Variants in LUZP2 observed in about 807,000 individuals in gnomAD.
The protein encoded by LUZP2 is leucine zipper protein 2.
In LUZP2, 52 loss-of-function variants were observed where a neutral mutation model predicts 51.6. The ratio of observed to expected loss-of-function variants is 1.01; its 90% CI spans 0.81 to 1.27. The LOEUF is 1.27. Among genes scored for constraint, LUZP2 ranks in the 50% most tolerant of loss-of-function variants. The pLI is 0.00. For missense variants in LUZP2, 436 were observed against 395.4 expected (o/e 1.10, Z -0.87); for synonymous variants, 154 against 137.3 (o/e 1.12, Z -0.85).
At chr11:24,617,811 G>A (rs1344071171) in intron 1 of LUZP2, among the ~76,000 whole-genome samples, 1 of 151,926 alleles carries the variant, frequency 6.6e-6, no homozygotes, top group East Asian at 1.9e-4. Context: ...AGGTGACAGA[G>A]TAAGACTCTG....
chr11:25,011,763 T>C (rs953309608), intron 9 of LUZP2, among the ~76,000 whole-genome samples: 3 of 152,110 alleles, frequency 2.0e-5, no homozygotes, highest in African/African-American at 7.2e-5. Context: ...GTTGCAAACA[T>C]AGATTGTGTA....
chr11:24,990,839 C>T (rs1856312745), intron 9 of LUZP2, among the ~76,000 whole-genome samples: 1 of 152,016 alleles, frequency 6.6e-6, no homozygotes, highest in Non-Finnish European at 1.5e-5. Flanking sequence ...CCCCACCCAA[C>T]AACCATCACT....
At chr11:24,926,380 TATATATATAC>T (rs1854254891) in intron 7 of LUZP2, among the ~76,000 whole-genome samples, 1 of 5,272 alleles carries the variant, frequency 1.9e-4, no homozygotes, top group Admixed American at 1.9e-3. Flanking sequence ...TATACGTGTG[TATATATATAC>T]GTGTGTATAT....
intron 1 of LUZP2, among the ~76,000 whole-genome samples, chr11:24,622,138 T>G (rs895453418): frequency 6.6e-6 from 1 of 151,664 alleles, no homozygotes; most frequent in Non-Finnish European, 1.5e-5. Flanking sequence ...TTAATGTTAT[T>G]ATTATTATAC....
chr11:24,826,187 A>AT (rs1289295668), intron 5 of LUZP2, among the ~76,000 whole-genome samples: 1,766 of 72,830 alleles, frequency 0.024, 10 homozygotes, highest in Middle Eastern at 0.035. Context: ...AAAAAAAAAA[A>AT]AAAATATATA....
At position 24,623,249 on chromosome 11, in the gene LUZP2, G is replaced by GAA. The variant is rs60679149; in HGVS notation, c.63-105912_63-105911dup. 5.4e-4 allele frequency among the ~76,000 whole-genome samples: 81 copies of GAA among 151,086 alleles called. No individual in the cohort carries two copies. The East Asian group carries it at 0.011, about 20-fold the overall frequency. On this transcript the variant is annotated intron_variant, in intron 1 of 11. Coordinates refer to ENST00000336930, the MANE Select transcript of LUZP2 (RefSeq NM_001009909.4). ...TACTCATAAAAACTCATGGGAAAAG[G>GAA]AAAAAAAAATTTACGGGACTTAAAG...
chr11:24,741,920 ATTTATATATTATATATAAATATATAC>A (rs1859167943), intron 4 of LUZP2, among the ~76,000 whole-genome samples: 1 of 19,894 alleles, frequency 5.0e-5, no homozygotes, highest in South Asian at 2.6e-3. Context: ...TAATATATAC[ATTTATATATTATATATAAATATATAC>A]ATTTATATAT....
intron 9 of LUZP2, among the ~76,000 whole-genome samples, chr11:25,032,400 A>T (rs990642844): frequency 1.1e-4 from 17 of 151,852 alleles, no homozygotes; most frequent in Non-Finnish European, 2.4e-4. Flanking sequence ...ATGAGTTTCA[A>T]TTTTTTTTCC....
chr11:24,595,841 T>A (rs895475337), intron 1 of LUZP2, among the ~76,000 whole-genome samples: 1 of 152,188 alleles, frequency 6.6e-6, no homozygotes, highest in African/African-American at 2.4e-5. Flanking sequence ...GAAGCTTACA[T>A]TCAACATAGG....
chr11:24,733,795 ATTACT>A (rs368251786), intron 3 of LUZP2, among the ~76,000 whole-genome samples: 173 of 151,932 alleles, frequency 1.1e-3, no homozygotes, highest in African/African-American at 3.6e-3. Context: ...GCTGAAAATG[ATTACT>A]TTATTTTTAT....
At chr11:24,555,513 A>G (rs1489006232) in intron 1 of LUZP2, among the ~76,000 whole-genome samples, 2 of 152,166 alleles carry the variant, frequency 1.3e-5, no homozygotes, top group African/African-American at 2.4e-5. Flanking sequence ...GTTTTACAGA[A>G]CTGGACTCAA....
At chr11:24,913,650 A>G (rs1042046993) in intron 6 of LUZP2, among the ~76,000 whole-genome samples, 9 of 146,298 alleles carry the variant, frequency 6.2e-5, no homozygotes, top group Non-Finnish European at 1.3e-4. Context: ...CCTTCATGTG[A>G]TCATGCTAAT....
At chr11:25,020,599 A>G (rs1193610425) in intron 9 of LUZP2, among the ~76,000 whole-genome samples, 1 of 152,102 alleles carries the variant, frequency 6.6e-6, no homozygotes, top group African/African-American at 2.4e-5. Context: ...TGTTGTATAT[A>G]GCAATAAATT....
intron 8 of LUZP2, 40 bp downstream of exon 8, chr11:24,976,705 GCAAAAAAA>G: frequency 9.0e-6 from 2 of 223,112 alleles, no homozygotes; most frequent in Non-Finnish European, 6.2e-6. Flanking sequence ...TGTAGTTTTA[GCAAAAAAA>G]AAAAAAAAAA....
At chr11:25,037,120 C>A (rs1857890397) in intron 9 of LUZP2, among the ~76,000 whole-genome samples, 1 of 151,974 alleles carries the variant, frequency 6.6e-6, no homozygotes, top group Non-Finnish European at 1.5e-5. Flanking sequence ...TATTTCTTTT[C>A]TAAATCTGGG....
rs142178672 is a variant in LUZP2, at chr11:24,532,710, A to T, written c.62+35405A>T. Among the ~76,000 whole-genome samples the T allele has an allele frequency of 2.9e-3, 440 of 151,208 alleles. 6 individuals carry two copies. The highest frequency in any genetic ancestry group is 0.01 in the African/African-American group (421 of 41,450). On this transcript the variant is annotated intron_variant, in intron 1 of 11. Transcript: ENST00000336930. ...CTAGCCTAACAGGCAGTTCAAATGT[A>T]ATAACTAATCTCCTATAGTTTCAAG...
At chr11:24,892,366 C>A (rs749974366) in intron 5 of LUZP2, 125 of 985,186 alleles carry the variant, frequency 1.3e-4, no homozygotes, top group Non-Finnish European at 1.5e-4. Context: ...AGTAGATGAC[C>A]TAAAAGTTCT....
At chr11:24,963,208 C>G (rs1324046051) in intron 7 of LUZP2, among the ~76,000 whole-genome samples, 2 of 152,218 alleles carry the variant, frequency 1.3e-5, no homozygotes, top group Non-Finnish European at 2.9e-5. Context: ...GCTCAGGGGT[C>G]AGGGGTCACG....
rs369107855 is a variant in LUZP2, at chr11:24,737,608, G to C, written c.252-613G>C. ...AGGGAAACATCACTCTTTTTAAAAA[G>C]GGAGACAGGATCCTTATGTGCTACT... On this transcript the variant is annotated intron_variant, in intron 3 of 11. Coordinates refer to ENST00000336930, the MANE Select transcript of LUZP2 (RefSeq NM_001009909.4). Among the ~76,000 whole-genome samples the C allele has an allele frequency of 2.6e-4, 39 of 152,130 alleles. 1 individual carries two copies. In the East Asian group the frequency reaches 5.6e-3, roughly 22 times the overall value.
Sources: gnomAD v4.1 joint callset for allele counts (sites outside exome capture counted in the v4.1 genomes callset) on GRCh38, gnomAD v4.1.1 for gene constraint, MANE v1.5 for transcripts, NCBI Gene and HGNC (gene_info 2026-07-23, HGNC 2026-07-21) for gene names.